Variants in ASIC2 observed in about 807,000 individuals in gnomAD.
ASIC2 encodes the protein acid-sensing ion channel 2.
A neutral mutation model predicts 57.3 loss-of-function variants in ASIC2; 25 were observed. The observed-to-expected ratio is 0.44, with a 90% confidence interval of 0.32 to 0.61. The LOEUF (loss-of-function observed/expected upper bound fraction) is 0.61, where lower values mean the gene tolerates loss of function less well. Among genes scored for constraint, ASIC2 ranks in the 20% least tolerant of loss-of-function variants. ASIC2 has a pLI of 0.06. For synonymous variants in ASIC2, 319 were observed against 307.5 expected (o/e 1.04, Z -0.39); for missense variants, 641 against 738.1 (o/e 0.87, Z 1.52).
At chr17:34,012,051 C>T (rs1906786075) in intron 1 of ASIC2, among the ~76,000 whole-genome samples, 1 of 152,206 alleles carries the variant, frequency 6.6e-6, no homozygotes, top group Non-Finnish European at 1.5e-5. Flanking sequence ...TCCCTCCTTC[C>T]TCCCTCCCCT....
At chr17:33,721,428 T>G (rs753036135) in intron 1 of ASIC2, among the ~76,000 whole-genome samples, 1 of 152,192 alleles carries the variant, frequency 6.6e-6, no homozygotes, top group Non-Finnish European at 1.5e-5. Flanking sequence ...AATTCAACAG[T>G]CACTGCTCTG....
intron 1 of ASIC2, among the ~76,000 whole-genome samples, chr17:34,140,607 T>C (rs914437153): frequency 3.9e-5 from 6 of 152,044 alleles, no homozygotes; most frequent in Admixed American, 2.6e-4. Context: ...AAAAAAACTT[T>C]CAAAAAATAC....
intron 1 of ASIC2, among the ~76,000 whole-genome samples, chr17:33,509,503 G>A (rs956965375): frequency 6.6e-6 from 1 of 152,100 alleles, no homozygotes; most frequent in Non-Finnish European, 1.5e-5. Context: ...CACACTGCTC[G>A]CTAACAGACT....
intron 1 of ASIC2, among the ~76,000 whole-genome samples, chr17:33,719,963 T>C (rs12952227): frequency 0.27 from 41,836 of 152,144 alleles, 8,463 homozygotes; most frequent in African/African-American, 0.58. Flanking sequence ...TCACTGAAGC[T>C]TCAAAACTTC....
chr17:33,726,342 G>A lies in ASIC2; in HGVS notation c.555+429636C>T, dbSNP rs555320991. Among the ~76,000 whole-genome samples the A allele has an allele frequency of 2.0e-3, 307 of 152,268 alleles. 1 individual carries two copies. The highest frequency in any genetic ancestry group is 7.1e-3 in the African/African-American group (294 of 41,552). On this transcript the variant is annotated intron_variant, in intron 1 of 9. Transcript: ENST00000359872. Reference sequence around the variant, plus strand: ...GCAAAACCAGCAGAAGAACTGCCCCGCTGAACCCAGTCAGCTCATAGAACC... The same window carrying A: ...GCAAAACCAGCAGAAGAACTGCCCCACTGAACCCAGTCAGCTCATAGAACC...
At chr17:33,643,893 T>C (rs1022221279) in intron 1 of ASIC2, among the ~76,000 whole-genome samples, 2 of 152,182 alleles carry the variant, frequency 1.3e-5, no homozygotes, top group African/African-American at 4.8e-5. Flanking sequence ...TTATTAAAAG[T>C]TGCAAAAACG....
At chr17:33,425,836 A>G (rs1352189855) in intron 1 of ASIC2, among the ~76,000 whole-genome samples, 1 of 152,104 alleles carries the variant, frequency 6.6e-6, no homozygotes, top group Non-Finnish European at 1.5e-5. Context: ...AACACAGAAA[A>G]TGTGTGGGTG....
At chr17:33,678,314 TGTG>T (rs1329774771) in intron 1 of ASIC2, among the ~76,000 whole-genome samples, 1 of 152,140 alleles carries the variant, frequency 6.6e-6, no homozygotes, top group Non-Finnish European at 1.5e-5. Flanking sequence ...TTGACTTTAT[TGTG>T]GTGATCTGGA....
At chr17:33,674,239 T>C (rs1218012216) in intron 1 of ASIC2, among the ~76,000 whole-genome samples, 1 of 152,112 alleles carries the variant, frequency 6.6e-6, no homozygotes, top group East Asian at 1.9e-4. Context: ...TCCAAGAAGG[T>C]GCCCTTCATT....
At position 34,145,743 on chromosome 17, in the gene ASIC2, G is replaced by C. The variant is rs1475509638; in HGVS notation, c.555+10235C>G. ...CTTCGCTTTTCATGCTAAGCTGTCT[G>C]AGTTCTTTCATACGCTCCTCATCGC... is the stretch of plus-strand genomic sequence containing the variant. On this transcript the variant is annotated intron_variant, in intron 1 of 9. Coordinates refer to the ASIC2 transcript ENST00000359872. 5.3e-5 allele frequency among the ~76,000 whole-genome samples: 8 copies of C among 152,322 alleles called. 1 individual carries two copies. Among genetic ancestry groups the C allele is most frequent in the Admixed American group, 5.2e-4 (8 of 15,306 alleles).
chr17:33,193,988 G>A (rs908560055), intron 1 of ASIC2, among the ~76,000 whole-genome samples: 3 of 152,096 alleles, frequency 2.0e-5, no homozygotes, highest in African/African-American at 7.2e-5. Context: ...GTATTCTTCT[G>A]GGGAGCCTAC....
chr17:33,340,079 C>T (rs974584892), intron 1 of ASIC2, among the ~76,000 whole-genome samples: 3 of 152,166 alleles, frequency 2.0e-5, no homozygotes, highest in African/African-American at 7.2e-5. Flanking sequence ...ATTATAAATA[C>T]ATCTTAAATG....
chr17:34,155,359 GC>G (rs1904675995), intron 1 of ASIC2, among the ~76,000 whole-genome samples: 1 of 152,054 alleles, frequency 6.6e-6, no homozygotes, highest in African/African-American at 2.4e-5. Flanking sequence ...GGGGTGCCCG[GC>G]CTCTCCTCTC....
chr17:33,427,784 G>A (rs559729943), intron 1 of ASIC2, among the ~76,000 whole-genome samples: 193 of 152,316 alleles, frequency 1.3e-3, no homozygotes, highest in Non-Finnish European at 1.6e-3. Context: ...TTACTCCCTT[G>A]TGTACCAGCC....
rs942127933 is a variant in ASIC2 at position 33,437,100 on chromosome 17, C to T, written c.556-325033G>A. 6.6e-5 allele frequency among the ~76,000 whole-genome samples: 10 copies of T among 151,420 alleles called. No individual in the cohort carries two copies. The South Asian group carries it at 1.7e-3, about 26-fold the overall frequency. On this transcript the variant is annotated intron_variant, in intron 1 of 9. Coordinates refer to the ASIC2 transcript ENST00000359872. The stretch of plus-strand genomic sequence containing the variant: ...CAGGATGGTCTCGATCTCCTGACCT[C>T]GTGATCTGCCCGCCTCGGCCTCCCA...
chr17:33,883,832 A>G (rs755521743), intron 1 of ASIC2, among the ~76,000 whole-genome samples: 2 of 152,244 alleles, frequency 1.3e-5, no homozygotes, highest in Admixed American at 6.5e-5. Context: ...ACATTCACAC[A>G]TATTTAACAC....
At position 33,032,440 on chromosome 17, in the gene ASIC2, G is replaced by GTTTTTTTTTTTTTTTTT. The variant is rs60183644; in HGVS notation, c.988-4065_988-4049dup. ...TCTGTTATAAGCACTATAATACACTGTTTTTTTTTTTTTTTTTTTTTTTTT... is the reference window on the plus strand; with the variant it reads ...TCTGTTATAAGCACTATAATACACTGTTTTTTTTTTTTTTTTTTTTTTTTTTTTTTTTTTTTTTTTTT... On this transcript the variant is annotated intron_variant, in intron 3 of 9. Coordinates refer to ENST00000225823, the MANE Select transcript of ASIC2 (RefSeq NM_183377.2). Among the ~76,000 whole-genome samples, 14 of 94,114 alleles carry GTTTTTTTTTTTTTTTTT rather than the reference G, an allele frequency of 1.5e-4. 2 individuals are homozygous for GTTTTTTTTTTTTTTTTT. The highest frequency in any genetic ancestry group is 5.6e-4 in the African/African-American group (12 of 21,320). 61.7% of individuals were successfully genotyped at this position (94,114 alleles called of 152,430 possible). A position where few individuals can be genotyped will look rare whatever the true frequency, so the allele number is the denominator to read the frequency against.
At chr17:34,099,571 GAGGAAAGAAGGA>G (rs1910742599) in intron 1 of ASIC2, among the ~76,000 whole-genome samples, 1 of 141,696 alleles carries the variant, frequency 7.1e-6, no homozygotes, top group African/African-American at 2.6e-5. Context: ...GAGAGGGAGG[GAGGAAAGAAGGA>G]AGGAAAGAAA....
At chr17:33,314,364 C>T in intron 1 of ASIC2, among the ~76,000 whole-genome samples, 1 of 152,312 alleles carries the variant, frequency 6.6e-6, no homozygotes, top group South Asian at 2.1e-4. Context: ...TGAGCTTTCT[C>T]AGGACACAAT....
Sources: allele counts gnomAD v4.1 joint callset (sites outside exome capture counted in the v4.1 genomes callset), GRCh38; gene constraint gnomAD v4.1.1; transcripts MANE v1.5; gene names NCBI Gene and HGNC (gene_info 2026-07-23, HGNC 2026-07-21).